The following RBFOX1 variants were observed in gnomAD, a reference collection of about 807,000 sequenced individuals.
RBFOX1 encodes RNA binding fox-1 homolog 1.
Under a neutral mutation model 57.7 loss-of-function variants are expected in RBFOX1, and 8 were observed. The ratio of observed to expected loss-of-function variants is 0.14; its 90% CI spans 0.08 to 0.25. The LOEUF is 0.25. Ranked by LOEUF, RBFOX1 falls within the 10% of genes least tolerant of loss-of-function variation. The pLI, the probability that RBFOX1 is intolerant of heterozygous loss-of-function variation, is 1.00. For synonymous variants in RBFOX1, 326 were observed against 222.4 expected (o/e 1.47, Z -4.15); for missense variants, 611 against 548.5 (o/e 1.11, Z -1.14).
chr16:7,094,764 G>GTGTA (rs2061415797), intron 4 of RBFOX1, among the ~76,000 whole-genome samples: 2 of 139,968 alleles, frequency 1.4e-5, no homozygotes, highest in African/African-American at 2.5e-5. Flanking sequence ...GTGTGTGTGT[G>GTGTA]TGTGTGTGTG....
intron 1 of RBFOX1, among the ~76,000 whole-genome samples, chr16:5,444,053 A>C (rs2068166778): frequency 6.6e-6 from 1 of 151,982 alleles, no homozygotes; most frequent in Non-Finnish European, 1.5e-5. Flanking sequence ...TGGTTTTAGC[A>C]CTAATGAATT....
rs1052620108 is a variant in RBFOX1, at chr16:7,643,694, G to C, written c.758-10121G>C. Among the ~76,000 whole-genome samples the C allele has an allele frequency of 1.3e-5, 2 of 152,162 alleles. 1 individual carries two copies. Among genetic ancestry groups the C allele is most frequent in the African/African-American group, 4.8e-5 (2 of 41,434 alleles). ...AACCTCCCCCTCACATCGAGATGTA[G>C]AGGTAAACCCTAGTGGCAAAGGGAA... On this transcript the variant is annotated intron_variant, in intron 11 of 15. Transcript: ENST00000550418.
intron 3 of RBFOX1, among the ~76,000 whole-genome samples, chr16:5,784,697 C>T (rs1021474238): frequency 6.6e-6 from 1 of 152,114 alleles, no homozygotes; most frequent in South Asian, 2.1e-4. Context: ...GTCAGTAAGG[C>T]CTTTCAGGGG....
At position 7,455,785 on chromosome 16, in the gene RBFOX1, CA is replaced by C. The variant is rs369544031; in HGVS notation, c.28-62346del. 8.5e-3 allele frequency among the ~76,000 whole-genome samples: 701 copies of C among 82,792 alleles called. 1 individual carries two copies. Among genetic ancestry groups the C allele is most frequent in the African/African-American group, 0.029 (575 of 19,568 alleles). The allele number at this position is 82,792 out of a possible 152,430, so 54.3% of individuals were successfully genotyped here. The stretch of plus-strand genomic sequence containing the variant: ...CTGGGAACAGAATGAGACTCCATCT[CA>C]AAAAAAAAAAAAAAAGAAAAAAAAG... On this transcript the variant is annotated intron_variant, in intron 4 of 15. Coordinates refer to ENST00000550418, the MANE Select transcript of RBFOX1 (RefSeq NM_018723.4).
intron 1 of RBFOX1, among the ~76,000 whole-genome samples, chr16:6,049,767 G>A (rs996913289): frequency 6.6e-6 from 1 of 152,098 alleles, no homozygotes; most frequent in African/African-American, 2.4e-5. Context: ...CTGAGAATTT[G>A]CATTTCCCCT....
chr16:7,600,052 A>G (rs2094928573), intron 9 of RBFOX1, among the ~76,000 whole-genome samples: 1 of 152,176 alleles, frequency 6.6e-6, no homozygotes, highest in African/African-American at 2.4e-5. Flanking sequence ...ACCAACTACA[A>G]TAACAAAAAA....
chr16:6,413,300 C>T (rs1021411869), intron 2 of RBFOX1, among the ~76,000 whole-genome samples: 3 of 120,724 alleles, frequency 2.5e-5, no homozygotes, highest in Non-Finnish European at 4.9e-5. Flanking sequence ...GCCTGCGCAA[C>T]AAGAGAGAAA....
chr16:6,915,714 C>T (rs890618904), intron 3 of RBFOX1, among the ~76,000 whole-genome samples: 1 of 151,924 alleles, frequency 6.6e-6, no homozygotes, highest in African/African-American at 2.4e-5. Context: ...CCATGCCTGA[C>T]TAAATTTTTC....
intron 4 of RBFOX1, among the ~76,000 whole-genome samples, chr16:7,494,807 A>C (rs553485361): frequency 1.5e-3 from 217 of 146,488 alleles, no homozygotes; most frequent in African/African-American, 5.1e-3. Context: ...TGAGCTCCTT[A>C]ATATCAGGAA....
intron 4 of RBFOX1, among the ~76,000 whole-genome samples, chr16:7,343,098 C>G (rs932895689): frequency 6.6e-6 from 1 of 152,128 alleles, no homozygotes; most frequent in East Asian, 1.9e-4. Context: ...TGGGGACAGA[C>G]TCTTTAGGAC....
intron 2 of RBFOX1, among the ~76,000 whole-genome samples, chr16:6,625,326 A>C (rs150402880): frequency 3.4e-4 from 52 of 152,260 alleles, no homozygotes; most frequent in Non-Finnish European, 6.3e-4. Context: ...TAAAAAATGT[A>C]GCTAATTTCT....
intron 4 of RBFOX1, among the ~76,000 whole-genome samples, chr16:7,192,367 G>A (rs2085615033): frequency 6.6e-6 from 1 of 152,154 alleles, no homozygotes; most frequent in African/African-American, 2.4e-5. Context: ...GCTGAACTGG[G>A]TGCTTCTCTG....
At chr16:6,673,077 G>A (rs545420761) in intron 3 of RBFOX1, among the ~76,000 whole-genome samples, 1 of 152,290 alleles carries the variant, frequency 6.6e-6, no homozygotes, top group Admixed American at 6.5e-5. Context: ...ACCAGAGTTG[G>A]AATAGAGATT....
intron 4 of RBFOX1, among the ~76,000 whole-genome samples, chr16:7,426,187 A>G (rs2098609580): frequency 6.6e-6 from 1 of 152,240 alleles, no homozygotes; most frequent in Non-Finnish European, 1.5e-5. Context: ...AACACAGCCG[A>G]AAAGAGCTCT....
chr16:5,380,374 T>C (rs947426520), intron 1 of RBFOX1, among the ~76,000 whole-genome samples: 4 of 152,236 alleles, frequency 2.6e-5, no homozygotes, highest in African/African-American at 9.6e-5. Context: ...TACATCTGTG[T>C]GATGGGCATT....
intron 5 of RBFOX1, among the ~76,000 whole-genome samples, chr16:7,535,014 G>T (rs375443069): frequency 8.5e-5 from 13 of 152,178 alleles, no homozygotes; most frequent in African/African-American, 2.9e-4. Context: ...CCCAAGTCAG[G>T]CTAAGTGGAC....
chr16:5,834,779 T>TAGATAGAC (rs2056405643), intron 3 of RBFOX1, among the ~76,000 whole-genome samples: 4 of 22,842 alleles, frequency 1.8e-4, no homozygotes, highest in African/African-American at 6.2e-4. Context: ...GCACAGATGA[T>TAGATAGAC]AGATAGATAG....
At chr16:6,763,133 G>GT (rs1195075319) in intron 3 of RBFOX1, among the ~76,000 whole-genome samples, 1 of 152,186 alleles carries the variant, frequency 6.6e-6, no homozygotes, top group Non-Finnish European at 1.5e-5. Flanking sequence ...TCTAAAATGA[G>GT]TTTTTTCAGG....
At chr16:6,056,031 A>G (rs1307680984) in intron 1 of RBFOX1, among the ~76,000 whole-genome samples, 2 of 152,110 alleles carry the variant, frequency 1.3e-5, no homozygotes, top group South Asian at 2.1e-4. Context: ...TTTGCACTCA[A>G]TGAGGGTTCT....
Sources: allele counts gnomAD v4.1 joint callset (sites outside exome capture counted in the v4.1 genomes callset), GRCh38; gene constraint gnomAD v4.1.1; transcripts MANE v1.5; gene names NCBI Gene and HGNC (gene_info 2026-07-23, HGNC 2026-07-21).